The following JPH1 variants were observed in gnomAD, a reference collection of about 807,000 sequenced individuals.
JPH1 encodes the protein junctophilin-1.
Under a neutral mutation model 53.6 loss-of-function variants are expected in JPH1, and 12 were observed. The observed-to-expected ratio is 0.22, with a 90% CI of 0.14 to 0.36. The LOEUF (loss-of-function observed/expected upper bound fraction) is 0.36, where lower values mean the gene tolerates loss of function less well. Ranked by LOEUF, JPH1 falls within the 10% of genes least tolerant of loss-of-function variation. The pLI is 1.00. For synonymous variants in JPH1, 375 were observed against 363.8 expected, an observed-to-expected ratio of 1.03 and a Z score of -0.35; for missense variants, 808 against 905.5, an observed-to-expected ratio of 0.89 and a Z score of 1.38.
At chr8:74,263,610 C>A (rs937277973) in intron 2 of JPH1, among the ~76,000 whole-genome samples, 1 of 152,198 alleles carries the variant, frequency 6.6e-6, no homozygotes, top group Non-Finnish European at 1.5e-5. Flanking sequence ...CAGCTGGCAC[C>A]ACCTTCGGAG....
At chr8:74,264,500 G>C (rs543809398) in intron 2 of JPH1, among the ~76,000 whole-genome samples, 1 of 152,168 alleles carries the variant, frequency 6.6e-6, no homozygotes, top group East Asian at 1.9e-4. Context: ...ATGTTATTTA[G>C]TTATTTCTAA....
intron 2 of JPH1, among the ~76,000 whole-genome samples, chr8:74,312,572 A>G (rs1243330636): frequency 6.6e-6 from 1 of 152,184 alleles, no homozygotes; most frequent in Non-Finnish European, 1.5e-5. Flanking sequence ...TAAATGCAAA[A>G]TGCAGTATTG....
At chr8:74,282,277 TA>T (rs142449836) in intron 2 of JPH1, among the ~76,000 whole-genome samples, 3,519 of 152,262 alleles carry the variant, frequency 0.023, 140 homozygotes, top group African/African-American at 0.072. Context: ...GCATGCCTAC[TA>T]GTCTAGACCT....
At chr8:74,310,629 G>A (rs1411177400) in intron 2 of JPH1, among the ~76,000 whole-genome samples, 1 of 152,100 alleles carries the variant, frequency 6.6e-6, no homozygotes, top group Non-Finnish European at 1.5e-5. Flanking sequence ...TGTGTTTACT[G>A]GGGAGCAACA....
chr8:74,251,326 C>T (rs1357948657), intron 3 of JPH1, among the ~76,000 whole-genome samples: 1 of 152,148 alleles, frequency 6.6e-6, no homozygotes, highest in African/African-American at 2.4e-5. Flanking sequence ...ACAAGGAAAT[C>T]CTGTGGTTCT....
chr8:74,318,658 T>G (rs1192899178), intron 1 of JPH1, among the ~76,000 whole-genome samples: 1 of 152,170 alleles, frequency 6.6e-6, no homozygotes, highest in Non-Finnish European at 1.5e-5. Flanking sequence ...TCCAGTTTAA[T>G]GTCACCACAA....
intron 3 of JPH1, among the ~76,000 whole-genome samples, chr8:74,250,122 T>C (rs1163592191): frequency 2.0e-5 from 3 of 151,304 alleles, no homozygotes; most frequent in Non-Finnish European, 4.4e-5. Flanking sequence ...AAAATGAATC[T>C]CTCGACTAAA....
intron 2 of JPH1, among the ~76,000 whole-genome samples, chr8:74,313,779 G>T (rs748686835): frequency 6.6e-6 from 1 of 152,092 alleles, no homozygotes; most frequent in Non-Finnish European, 1.5e-5. Flanking sequence ...GCAGAAACAG[G>T]ATTTTTAATA....
intron 2 of JPH1, among the ~76,000 whole-genome samples, chr8:74,306,115 C>T (rs1024404013): frequency 6.6e-6 from 1 of 152,102 alleles, no homozygotes; most frequent in Non-Finnish European, 1.5e-5. Flanking sequence ...CGTAATGACC[C>T]GTTGCGTGGT....
chr8:74,291,621 T>C (rs1158034190), intron 2 of JPH1, among the ~76,000 whole-genome samples: 1 of 152,202 alleles, frequency 6.6e-6, no homozygotes, highest in East Asian at 1.9e-4. Context: ...GCCATCCCAT[T>C]ACTGGGTATA....
chr8:74,317,660 ATCC>A (rs1425802482), intron 1 of JPH1, among the ~76,000 whole-genome samples: 2 of 152,218 alleles, frequency 1.3e-5, no homozygotes, highest in African/African-American at 4.8e-5. Context: ...CTATAATCAC[ATCC>A]TCCTAACTTT....
intron 2 of JPH1, among the ~76,000 whole-genome samples, chr8:74,295,317 A>G (rs767070543): frequency 1.3e-5 from 2 of 152,102 alleles, no homozygotes; most frequent in Admixed American, 6.5e-5. Context: ...ATATAGTTCT[A>G]TATGTGTGTA....
chr8:74,306,037 C>G (rs1437973499), intron 2 of JPH1, among the ~76,000 whole-genome samples: 1 of 151,972 alleles, frequency 6.6e-6, no homozygotes, highest in Non-Finnish European at 1.5e-5. Context: ...AAAGAAAGAT[C>G]TTTAGAAACG....
At chr8:74,272,359 G>A (rs1276290155) in intron 2 of JPH1, among the ~76,000 whole-genome samples, 2 of 152,094 alleles carry the variant, frequency 1.3e-5, no homozygotes, top group Non-Finnish European at 2.9e-5. Context: ...TACATACATT[G>A]CATACATCAT....
At chr8:74,296,461 C>A (rs1052937864) in intron 2 of JPH1, among the ~76,000 whole-genome samples, 18 of 152,078 alleles carry the variant, frequency 1.2e-4, no homozygotes, top group Admixed American at 3.3e-4. Context: ...TTAAAGTTCA[C>A]TAGTTCAGTA....
intron 2 of JPH1, among the ~76,000 whole-genome samples, chr8:74,289,120 GACCTTGTAAACCAGGCA>G (rs887803492): frequency 2.0e-5 from 3 of 152,180 alleles, no homozygotes; most frequent in Admixed American, 6.5e-5. Flanking sequence ...AAAACCACAG[GACCTTGTAAACCAGGCA>G]ACCTTCAGTA....
intron 2 of JPH1, among the ~76,000 whole-genome samples, chr8:74,282,186 C>T (rs1807033120): frequency 6.6e-6 from 1 of 152,054 alleles, no homozygotes; most frequent in African/African-American, 2.4e-5. Context: ...TTGCCTGACC[C>T]CAAAGCATGT....
intron 2 of JPH1, among the ~76,000 whole-genome samples, chr8:74,286,233 G>T (rs574238796): frequency 7.3e-4 from 111 of 152,094 alleles, no homozygotes; most frequent in African/African-American, 2.6e-3. Flanking sequence ...CCTTCCTTTA[G>T]AACACTGTTA....
intron 2 of JPH1, among the ~76,000 whole-genome samples, chr8:74,281,438 G>C (rs1807014297): frequency 6.6e-6 from 1 of 152,140 alleles, no homozygotes; most frequent in African/African-American, 2.4e-5. Context: ...ATACTAAGTG[G>C]ACAGATGTGT....
Sources: allele counts gnomAD v4.1 joint callset (sites outside exome capture counted in the v4.1 genomes callset), GRCh38; gene constraint gnomAD v4.1.1; transcripts MANE v1.5; gene names NCBI Gene and HGNC (gene_info 2026-07-23, HGNC 2026-07-21).